KTN1: variants seen among roughly 807,000 people sequenced by gnomAD.
The protein encoded by KTN1 is kinectin 1, also known as kinectin.
Under a neutral mutation model 222.5 loss-of-function variants are expected in KTN1, and 130 were observed. That is an observed-to-expected ratio of 0.58 (90% CI 0.51 to 0.68). The LOEUF is 0.68. Ranked by LOEUF, KTN1 falls within the 30% of genes least tolerant of loss-of-function variation. The pLI is 0.00. For synonymous variants in KTN1, 512 were observed against 496.3 expected (o/e 1.03, Z -0.42); for missense variants, 1,508 against 1,500.4 (o/e 1.01, Z -0.08).
Position 55,630,065 on chromosome 14 carries a change from A to G in KTN1, c.1189A>G (p.Ser397Gly), listed in dbSNP as rs776357263. ...TGTATTTCAAAACAAAATACATGTCAGTTATCAAGAGACTCAACAGATGCA... is the reference window on the plus strand; with the variant it reads ...TGTATTTCAAAACAAAATACATGTCGGTTATCAAGAGACTCAACAGATGCA... The part of the protein sequence containing the change: ...HNVFQNKIHV[S>G]YQETQQMQMK... Residue 397 changes from serine to glycine, a missense_variant, in exon 7 of 44, where the codon AGT becomes GGT. Ser to Gly is a moderately conservative substitution (Grantham distance 56). Coordinates refer to ENST00000395314, the MANE Select transcript of KTN1 (RefSeq NM_001079521.2). 22 of 1,609,286 alleles carry G rather than the reference A, an allele frequency of 1.4e-5. No homozygotes were observed. The highest frequency in any genetic ancestry group is 1.9e-5 in the Non-Finnish European group (22 of 1,176,088).
Position 55,612,511 on chromosome 14 carries a change from C to T in KTN1, c.463C>T (p.Pro155Ser). The T allele has an allele frequency of 1.9e-6, 3 of 1,607,886 alleles. No homozygotes were observed. The highest frequency in any genetic ancestry group is 2.5e-6 in the Non-Finnish European group (3 of 1,178,554). ...CCCAGTTACTAAACAGCCCACCCCTCCCTCTGAAGCAGCTGCCTCGAAGAA... is the reference window on the plus strand; with the variant it reads ...CCCAGTTACTAAACAGCCCACCCCTTCCTCTGAAGCAGCTGCCTCGAAGAA... ...PVPVTKQPTP[P>S]SEAAASKKKP... The change falls in exon 2 of 44, where the codon CCC (proline) becomes TCC (serine). Residue 155 changes from proline (P) to serine (S), a missense_variant. Physicochemically the swap from Pro to Ser is moderately conservative, Grantham distance 74 (BLOSUM62 -1). Transcript: ENST00000395314.
At position 55,671,856 on chromosome 14, in the gene KTN1, A is replaced by G; in HGVS notation, c.3510A>G (p.Glu1170=). 3.8e-6 allele frequency: 6 copies of G among 1,593,982 alleles called. No individual in the cohort carries two copies. The highest frequency in any genetic ancestry group is 4.3e-6 in the Non-Finnish European group (5 of 1,161,894). Residue 1170 remains glutamate, a synonymous_variant, in exon 37 of 44, where the codon GAA becomes GAG. Transcript: ENST00000395314. ...EENKWKVKVD[E]SHKTIKQMQS... ...ATAAATGGAAAGTTAAGGTCGATGA[A>G]TCACACAAGACTATTAAACAGGTAT...
chr14:55,612,884 C>T (rs1322825944), intron 2 of KTN1, among the ~76,000 whole-genome samples: 1 of 135,854 alleles, frequency 7.4e-6, no homozygotes, highest in Non-Finnish European at 1.6e-5. Flanking sequence ...GAGACCTCAT[C>T]TCTACAAGAA....
At chr14:55,582,928 C>T (rs866674167) in intron 1 of KTN1, among the ~76,000 whole-genome samples, 8 of 152,314 alleles carry the variant, frequency 5.3e-5, no homozygotes, top group Middle Eastern at 3.4e-3. Flanking sequence ...AACTATTTCT[C>T]TAGAAGTGAC....
Position 55,639,971 on chromosome 14 carries a change from G to A in KTN1, c.1882G>A (p.Asp628Asn), listed in dbSNP as rs35352203. 856 of 1,607,674 alleles carry A rather than the reference G, an allele frequency of 5.3e-4. 4 individuals carry two copies. In the African/African-American group the frequency reaches 0.01, roughly 19 times the overall value. The change falls in exon 14 of 44, where the codon GAT (aspartate) becomes AAT (asparagine). Residue 628 changes from aspartate (D) to asparagine (N), a missense_variant. Physicochemically the swap from Asp to Asn is conservative, Grantham distance 23 (BLOSUM62 1). Coordinates refer to ENST00000395314, the MANE Select transcript of KTN1 (RefSeq NM_001079521.2). ...QTEDSLASER[D>N]RLTSKEEELK... ...TGAAGATTCTTTAGCAAGTGAACGT[G>A]ATCGTTTAACAAGTAAAGAAGAGGA... is the stretch of plus-strand genomic sequence containing the variant.
chr14:55,682,923 T>C (rs2046495333), intron 43 of KTN1: 1 of 152,134 alleles, frequency 6.6e-6, no homozygotes, highest in African/African-American at 2.4e-5. Context: ...CTAAAGTTGA[T>C]ATTTGGTTTG....
chr14:55,614,204 T>G (rs1314217490), intron 2 of KTN1, among the ~76,000 whole-genome samples: 1 of 152,178 alleles, frequency 6.6e-6, no homozygotes, highest in Non-Finnish European at 1.5e-5. Context: ...TGTTGAAGAT[T>G]TTCAAGCAGT....
chr14:55,613,007 TATG>T (rs1426870742), intron 2 of KTN1, among the ~76,000 whole-genome samples: 1 of 152,174 alleles, frequency 6.6e-6, no homozygotes, highest in Admixed American at 6.5e-5. Context: ...TTCTAAATGA[TATG>T]GTAAGAATTA....
chr14:55,646,699 C>G (rs933618999), intron 18 of KTN1, among the ~76,000 whole-genome samples: 3 of 151,644 alleles, frequency 2.0e-5, no homozygotes, highest in African/African-American at 7.2e-5. Context: ...TTAAGGTTAT[C>G]TTTTCTAGTG....
intron 1 of KTN1, among the ~76,000 whole-genome samples, chr14:55,604,577 C>G (rs1468945813): frequency 1.3e-5 from 2 of 152,114 alleles, no homozygotes; most frequent in South Asian, 2.1e-4. Context: ...ACTTGTTACC[C>G]TTTCATATAC....
In KTN1 at chr14:55,630,126, G is replaced by T. The variant is rs764850886; in HGVS notation, c.1221+29G>T. 4.4e-6 allele frequency: 7 copies of T among 1,601,934 alleles called. No individual in the cohort carries two copies. The African/African-American group carries it at 8.0e-5, about 18-fold the overall frequency. ...TATTTTCATTCTTTGGAAACAAGAT[G>T]AAATGGTTGCATTCACTTTATTAGC... On this transcript the variant is annotated intron_variant, in intron 7 of 43. Transcript: ENST00000395314.
intron 40 of KTN1, 84 bp downstream of exon 40, chr14:55,673,339 TTCTTTGCTAACA>T (rs1229964904): frequency 5.0e-6 from 4 of 808,080 alleles, no homozygotes; most frequent in Non-Finnish European, 8.1e-6. Context: ...AGGCTTTTTT[TTCTTTGCTAACA>T]TCTTTAGCTT....
chr14:55,639,855 C>A (rs2041579339), intron 13 of KTN1, 58 bp from the exon 14 acceptor site: 3 of 1,107,520 alleles, frequency 2.7e-6, no homozygotes, highest in Non-Finnish European at 1.4e-6. Context: ...GCTTTAAATC[C>A]TTTTGATTTG....
At chr14:55,604,452 A>G (rs946485743) in intron 1 of KTN1, among the ~76,000 whole-genome samples, 2 of 152,202 alleles carry the variant, frequency 1.3e-5, no homozygotes, top group African/African-American at 4.8e-5. Flanking sequence ...CCTGGGCAAC[A>G]TGGCAAAACC....
rs765339872 is a variant in KTN1 at position 55,672,994 on chromosome 14, T to C, written c.3669T>C (p.Tyr1223=). ...AGGCAGAGATGGAACGATCTACCTA[T>C]GTTACAGAAGTCAGAGAGGTACTTA... The part of the protein sequence containing the change: ...LEKAEMERST[Y]VTEVRELKDL... The change falls in exon 39 of 44, where the codon TAT becomes TAC. Residue 1223 remains tyrosine (Y), a synonymous_variant. Coordinates refer to ENST00000395314, the MANE Select transcript of KTN1 (RefSeq NM_001079521.2). The C allele has an allele frequency of 6.2e-6, 10 of 1,612,442 alleles. No homozygotes were observed. In the South Asian group the frequency reaches 1.1e-4, roughly 18 times the overall value.
In KTN1 at chr14:55,628,048, C is replaced by A; in HGVS notation, c.1080+20C>A. 2 of 1,406,612 alleles carry A rather than the reference C, an allele frequency of 1.4e-6. No individual in the cohort carries two copies. Among genetic ancestry groups the A allele is most frequent in the Non-Finnish European group, 1.0e-6 (1 of 993,104 alleles). 87.1% of individuals were successfully genotyped at this position (1,406,612 alleles called of 1,614,324 possible). On this transcript the variant is annotated intron_variant, in intron 6 of 43. Coordinates refer to ENST00000395314, the MANE Select transcript of KTN1 (RefSeq NM_001079521.2). ...ACCCAGGTGAAGACATTCTTATGTACGAGGGATATACTTCCCAAATCAGAA... is the reference window on the plus strand; with the variant it reads ...ACCCAGGTGAAGACATTCTTATGTAAGAGGGATATACTTCCCAAATCAGAA...
Position 55,634,673 on chromosome 14 carries a change from C to T in KTN1, c.1461+15C>T, listed in dbSNP as rs774787924. 1 of 1,601,432 alleles carries T rather than the reference C, an allele frequency of 6.2e-7. No individual in the cohort carries two copies. The highest frequency in any genetic ancestry group is 8.5e-7 in the Non-Finnish European group (1 of 1,174,916). On this transcript the variant is annotated intron_variant, in intron 9 of 43. Coordinates refer to ENST00000395314, the MANE Select transcript of KTN1 (RefSeq NM_001079521.2). ...CTCAGTTGAAGGTGATATATTCTCA[C>T]CTTTATTTGTCATTTCATGAATAAT... is the stretch of plus-strand genomic sequence containing the variant.
Position 55,680,563 on chromosome 14 carries a change from C to G in KTN1, c.4069+878C>G, listed in dbSNP as rs1235917690. 5.5e-6 allele frequency: 3 copies of G among 544,460 alleles called. No homozygotes were observed. The African/African-American group carries it at 5.8e-5, about 10-fold the overall frequency. 33.7% of individuals were successfully genotyped at this position (544,460 alleles called of 1,614,324 possible). ...GGGGCAACTCATCACTGAATTATCCCTTTCAGAACCCCTGATAATACTGTG... is the reference window on the plus strand; with the variant it reads ...GGGGCAACTCATCACTGAATTATCCGTTTCAGAACCCCTGATAATACTGTG... On this transcript the variant is annotated intron_variant, in intron 43 of 43. Transcript: ENST00000395314.
chr14:55,640,426 C>A lies in KTN1; in HGVS notation c.1967C>A (p.Ala656Asp). The A allele has an allele frequency of 6.2e-7, 1 of 1,607,046 alleles. No individual in the cohort carries two copies. Among genetic ancestry groups the A allele is most frequent in the Admixed American group, 1.7e-5 (1 of 59,162 alleles). ...AAAGCTGAAGTGCAGAAATTACAGG[C>A]CCTGGCAAATGAGCAGGTAGATCTT... ...LLKAEVQKLQ[A>D]LANEQAAAAH... Residue 656 changes from alanine (A) to aspartate (D), a missense_variant, in exon 15 of 44, where the codon GCC becomes GAC. Coordinates refer to ENST00000395314, the MANE Select transcript of KTN1 (RefSeq NM_001079521.2).
Sources: gnomAD v4.1 joint callset for allele counts (sites outside exome capture counted in the v4.1 genomes callset) on GRCh38, gnomAD v4.1.1 for gene constraint, MANE v1.5 for transcripts, NCBI Gene and HGNC (gene_info 2026-07-23, HGNC 2026-07-21) for gene names.